LRRC7: variants seen among roughly 807,000 people sequenced by gnomAD.
The protein encoded by LRRC7 is leucine rich repeat containing 7, also known as leucine-rich repeat-containing protein 7.
LRRC7 carries 23 observed loss-of-function variants against 175.7 expected under a neutral mutation model. That is an observed-to-expected ratio of 0.13 (90% CI 0.09 to 0.19). The LOEUF is 0.19. LRRC7 is among the 10% of genes least tolerant of loss of function. The probability of loss-of-function intolerance (pLI) is 1.00; values close to 1 mark genes in which losing one functional copy is unlikely to be tolerated. For synonymous variants in LRRC7, 685 were observed against 680.9 expected, an observed-to-expected ratio of 1.01 and a Z score of -0.09; for missense variants, 1,354 against 1,904.7, an observed-to-expected ratio of 0.71 and a Z score of 5.38.
intron 7 of LRRC7, among the ~76,000 whole-genome samples, chr1:69,851,820 A>G (rs1034938159): frequency 6.6e-6 from 1 of 152,154 alleles, no homozygotes; most frequent in Admixed American, 6.6e-5. Flanking sequence ...AAGTTAGGCA[A>G]TCTTCTTCAG....
chr1:70,116,253 GAA>G (rs1665840019), intron 26 of LRRC7, among the ~76,000 whole-genome samples: 1 of 152,140 alleles, frequency 6.6e-6, no homozygotes. Flanking sequence ...ACTTAACACA[GAA>G]GAGAAATTCT....
chr1:70,021,301 G>A, intron 16 of LRRC7, 172 bp downstream of exon 16: 1 of 551,814 alleles, frequency 1.8e-6, no homozygotes, highest in Non-Finnish European at 3.1e-6. Context: ...TTCAGAATGA[G>A]ACTAATGTCC....
intron 1 of LRRC7, among the ~76,000 whole-genome samples, chr1:69,608,957 T>A (rs1189694526): frequency 1.4e-5 from 2 of 147,444 alleles, no homozygotes; most frequent in African/African-American, 4.9e-5. Flanking sequence ...CAGAAAAAGA[T>A]ATATTTAACA....
At chr1:69,762,312 A>T (rs1019344958) in intron 3 of LRRC7, among the ~76,000 whole-genome samples, 3 of 152,032 alleles carry the variant, frequency 2.0e-5, no homozygotes, top group African/African-American at 7.2e-5. Flanking sequence ...AGGTTACAAG[A>T]GAAATAAATC....
rs576699803 is a variant in LRRC7, at chr1:69,926,463, A to C, written c.648-5044A>C. Reference sequence around the variant, plus strand: ...AGTCTAAGTCTCTTTGTAGGTCACTAAGGACTTGCTTTATGAGTCTGGGTG... The same window carrying C: ...AGTCTAAGTCTCTTTGTAGGTCACTCAGGACTTGCTTTATGAGTCTGGGTG... On this transcript the variant is annotated intron_variant, in intron 7 of 26. Transcript: ENST00000651989. Among the ~76,000 whole-genome samples, 340 of 139,348 alleles carry C rather than the reference A, an allele frequency of 2.4e-3. 4 individuals carry two copies. The highest frequency in any genetic ancestry group is 8.3e-3 in the African/African-American group (323 of 39,034). 91.4% of individuals were successfully genotyped at this position (139,348 alleles called of 152,430 possible).
intron 3 of LRRC7, among the ~76,000 whole-genome samples, chr1:69,782,161 G>A (rs1032076267): frequency 7.9e-5 from 12 of 152,112 alleles, no homozygotes; most frequent in Non-Finnish European, 1.8e-4. Flanking sequence ...TTAATCACTT[G>A]CACCTATGTA....
rs760026802 is a variant in LRRC7, at chr1:69,950,976, G to A, written c.711+19406G>A. ...GTTTGAATTGCCTTTGGAACACACA[G>A]GTGGAAATGTCTAAATAATAGAGAG... On this transcript the variant is annotated intron_variant, in intron 8 of 26. Coordinates refer to ENST00000651989, the MANE Select transcript of LRRC7 (RefSeq NM_001370785.2). 2.6e-5 allele frequency among the ~76,000 whole-genome samples: 4 copies of A among 151,908 alleles called. No homozygotes were observed. In the South Asian group the frequency reaches 8.3e-4, roughly 32 times the overall value.
intron 1 of LRRC7, among the ~76,000 whole-genome samples, chr1:69,570,976 T>C (rs955989314): frequency 6.6e-6 from 1 of 152,222 alleles, no homozygotes; most frequent in Non-Finnish European, 1.5e-5. Context: ...AGATTTCTTA[T>C]TTCATTTTCA....
At chr1:70,081,662 G>A (rs1318113135) in intron 24 of LRRC7, among the ~76,000 whole-genome samples, 1 of 152,160 alleles carries the variant, frequency 6.6e-6, no homozygotes, top group African/African-American at 2.4e-5. Flanking sequence ...CGATGGAAAA[G>A]TCAAGAGTAG....
chr1:69,663,709 T>G lies in LRRC7; in HGVS notation c.3-14672T>G, dbSNP rs1298948615. ...TAGTTCAATCGTTTTAATTTTTTTTTTTTTTTTTTTTTTTTTTTTTTTTGA... is the reference window on the plus strand; with the variant it reads ...TAGTTCAATCGTTTTAATTTTTTTTGTTTTTTTTTTTTTTTTTTTTTTTGA... On this transcript the variant is annotated intron_variant, in intron 1 of 26. Coordinates refer to ENST00000651989, the MANE Select transcript of LRRC7 (RefSeq NM_001370785.2). 1.1e-3 allele frequency among the ~76,000 whole-genome samples: 130 copies of G among 119,098 alleles called. 1 individual carries two copies. The highest frequency in any genetic ancestry group is 3.9e-3 in the Middle Eastern group (1 of 258). 78.1% of individuals were successfully genotyped at this position (119,098 alleles called of 152,430 possible). A position where few individuals can be genotyped will look rare whatever the true frequency, so the allele number is the denominator to read the frequency against.
Position 70,044,020 on chromosome 1 carries a change from C to A in LRRC7, c.4036C>A (p.His1346Asn). 6.2e-7 allele frequency: 1 copy of A among 1,613,482 alleles called. No individual in the cohort carries two copies. The highest frequency in any genetic ancestry group is 8.5e-7 in the Non-Finnish European group (1 of 1,179,616). Residue 1346 changes from histidine (H) to asparagine (N), a missense_variant, in exon 22 of 27, where the codon CAT becomes AAT. His to Asn is a moderately conservative substitution (Grantham distance 68). This residue lies in a region of LRRC7 where 1,032 missense variants were observed against 1,227.2 expected (regional missense o/e 0.84). Coordinates refer to ENST00000651989, the MANE Select transcript of LRRC7 (RefSeq NM_001370785.2). ...MLPYGGISAM[H>N]AGRSMTLNLQ... ...GCCCTATGGAGGTATTTCAGCAATG[C>A]ATGCAGGCAGAAGCATGACTTTAAA...
chr1:69,613,737 A>G (rs994324704), intron 1 of LRRC7, among the ~76,000 whole-genome samples: 15 of 152,032 alleles, frequency 9.9e-5, no homozygotes, highest in African/African-American at 3.6e-4. Context: ...GCAAAGCAAC[A>G]TGTTTCTAGA....
At chr1:70,017,232 T>C (rs1657044402) in intron 14 of LRRC7, among the ~76,000 whole-genome samples, 2 of 146,820 alleles carry the variant, frequency 1.4e-5, no homozygotes, top group South Asian at 4.3e-4. Context: ...TCTAGATCAC[T>C]CCAGCCTGGG....
chr1:69,757,117 G>A (rs113323133), intron 2 of LRRC7, among the ~76,000 whole-genome samples: 127 of 152,074 alleles, frequency 8.4e-4, no homozygotes, highest in African/African-American at 2.7e-3. Context: ...ATTGGTAAAC[G>A]AAAGGTGTGA....
rs77313370 is a variant in LRRC7 at position 70,121,127 on chromosome 1, A to C, written c.4621-653A>C. ...TTGCTTATATCAATGATTCTTAAAC[A>C]GAAGACAGCAGACATGTCCTCTGTT... is the stretch of plus-strand genomic sequence containing the variant. On this transcript the variant is annotated intron_variant, in intron 26 of 26. Coordinates refer to ENST00000651989, the MANE Select transcript of LRRC7 (RefSeq NM_001370785.2). 5.7e-3 allele frequency among the ~76,000 whole-genome samples: 863 copies of C among 152,190 alleles called. 6 individuals carry two copies. The highest frequency in any genetic ancestry group is 0.02 in the African/African-American group (842 of 41,574).
intron 1 of LRRC7, among the ~76,000 whole-genome samples, chr1:69,677,184 A>G (rs1463714385): frequency 6.8e-6 from 1 of 147,278 alleles, no homozygotes; most frequent in African/African-American, 2.5e-5. Context: ...GTGTGTATAT[A>G]TTCTACATAT....
At chr1:69,904,223 A>G (rs1472934358) in intron 7 of LRRC7, among the ~76,000 whole-genome samples, 1 of 152,200 alleles carries the variant, frequency 6.6e-6, no homozygotes, top group Non-Finnish European at 1.5e-5. Context: ...GTTGAGTCTG[A>G]TGCTATATTA....
At chr1:69,688,123 A>G (rs1318119067) in intron 2 of LRRC7, among the ~76,000 whole-genome samples, 1 of 152,202 alleles carries the variant, frequency 6.6e-6, no homozygotes, top group Non-Finnish European at 1.5e-5. Flanking sequence ...TCTTGTTAAG[A>G]ATTGTATATT....
chr1:69,785,786 T>C (rs1337437466), intron 3 of LRRC7, among the ~76,000 whole-genome samples: 1 of 152,138 alleles, frequency 6.6e-6, no homozygotes, highest in African/African-American at 2.4e-5. Context: ...TGAAAATGTT[T>C]GTAATATAAT....
Sources: allele counts gnomAD v4.1 joint callset (sites outside exome capture counted in the v4.1 genomes callset), GRCh38; gene constraint gnomAD v4.1.1; regional missense constraint gnomAD v4.1.1; transcripts MANE v1.5; gene names NCBI Gene and HGNC (gene_info 2026-07-23, HGNC 2026-07-21).